The following HPS5 variants were observed in gnomAD, a reference collection of about 807,000 sequenced individuals.
HPS5 encodes HPS5 biogenesis of lysosomal organelles complex 2 subunit 2.
Under a neutral mutation model 128.0 loss-of-function variants are expected in HPS5, and 83 were observed. That is an observed-to-expected ratio of 0.65 (90% CI 0.54 to 0.78). HPS5 has a LOEUF of 0.78. Ranked by LOEUF, HPS5 falls within the 30% of genes least tolerant of loss-of-function variation. HPS5 has a pLI of 0.00. For synonymous variants in HPS5, 475 were observed against 470.2 expected, an observed-to-expected ratio of 1.01 and a Z score of -0.13; for missense variants, 1,281 against 1,326.2, an observed-to-expected ratio of 0.97 and a Z score of 0.53.
At chr11:18,317,686 A>G (rs776700241) in intron 2 of HPS5, 65 bp downstream of exon 2, 17 of 1,481,032 alleles carry the variant, frequency 1.1e-5, no homozygotes, top group Admixed American at 1.8e-5. Flanking sequence ...AAGGAACTGG[A>G]GGGTAGGGGC....
At chr11:18,311,489 GT>G in intron 3 of HPS5, 38 bp from the exon 4 acceptor site, 2 of 1,043,740 alleles carry the variant, frequency 1.9e-6, no homozygotes, top group Non-Finnish European at 2.8e-6. Context: ...TAAATCTCAA[GT>G]TTTACATTAT....
Position 18,283,853 on chromosome 11 carries a change from T to C in HPS5, c.3000A>G (p.Arg1000=). ...GATACACAATATTGGTGAAGGCCTC[T>C]CTTCTTCTCTCCAGCTCCAAACAGA... is the stretch of plus-strand genomic sequence containing the variant. The part of the protein sequence containing the change: ...LILCLELERR[R]EAFTNIVYLN... Residue 1000 remains arginine (R), a synonymous_variant, in exon 21 of 23, where the codon AGA becomes AGG. Transcript: ENST00000349215. 6.2e-7 allele frequency: 1 copy of C among 1,613,508 alleles called. No individual in the cohort carries two copies. Among genetic ancestry groups the C allele is most frequent in the East Asian group, 2.2e-5 (1 of 44,860 alleles).
At chr11:18,286,762 G>A (rs2134242943) in intron 18 of HPS5, 52 bp from the exon 19 acceptor site, 1 of 1,609,312 alleles carries the variant, frequency 6.2e-7, no homozygotes, top group South Asian at 1.1e-5. Flanking sequence ...AAGAAAGGAA[G>A]CATAAAATGT....
rs1859018126 is a variant in HPS5 at position 18,281,888 on chromosome 11, A to G, written c.3329+62T>C. 8 of 1,588,366 alleles carry G rather than the reference A, an allele frequency of 5.0e-6. No individual in the cohort carries two copies. The Admixed American group carries it at 6.7e-5, about 13-fold the overall frequency. ...TAAATGATCTCCACATCTACATCTG[A>G]AAGTCTGTGGCCTTCTACCTTCTCC... On this transcript the variant is annotated intron_variant, in intron 22 of 22. Coordinates refer to ENST00000349215, the MANE Select transcript of HPS5 (RefSeq NM_181507.2).
intron 8 of HPS5, among the ~76,000 whole-genome samples, chr11:18,303,269 C>T (rs1409919243): frequency 1.4e-5 from 1 of 70,254 alleles, no homozygotes; most frequent in Admixed American, 1.5e-4. Context: ...GTGTCTAGCA[C>T]TGCCCATGAA....
intron 18 of HPS5, 55 bp downstream of exon 18, chr11:18,287,480 G>C: frequency 1.3e-6 from 2 of 1,584,656 alleles, no homozygotes; most frequent in Non-Finnish European, 1.7e-6. Context: ...TTATAAAAGA[G>C]AAACAATGCC....
intron 13 of HPS5, among the ~76,000 whole-genome samples, chr11:18,295,655 A>G (rs1860967126): frequency 6.6e-6 from 1 of 152,226 alleles, no homozygotes; most frequent in Non-Finnish European, 1.5e-5. Context: ...AGTAGCTAGA[A>G]AAGAATTCTG....
chr11:18,313,182 T>G, intron 2 of HPS5, among the ~76,000 whole-genome samples: 1 of 152,154 alleles, frequency 6.6e-6, no homozygotes, highest in East Asian at 1.9e-4. Flanking sequence ...TACATAGTTC[T>G]TTGAATTCCA....
chr11:18,291,603 T>A lies in HPS5; in HGVS notation c.2279A>T (p.His760Leu), dbSNP rs766858378. ...GTACTGTTGCAAAGTGTGGTCCACA[T>A]GTCCACTGGTGCTTTTGATCTTAGA... ...LNSKIKSTSG[H>L]VDHTLQQYSP... Residue 760 changes from histidine (H) to leucine (L), a missense_variant, in exon 16 of 23, where the codon CAT becomes CTT. Physicochemically the swap from His to Leu is moderately conservative, Grantham distance 99. Coordinates refer to ENST00000349215, the MANE Select transcript of HPS5 (RefSeq NM_181507.2). 2.5e-6 allele frequency: 4 copies of A among 1,614,044 alleles called. No individual in the cohort carries two copies. The highest frequency in any genetic ancestry group is 3.4e-6 in the Non-Finnish European group (4 of 1,179,898).
chr11:18,301,988 C>T (rs1861763705), intron 8 of HPS5, among the ~76,000 whole-genome samples: 1 of 151,974 alleles, frequency 6.6e-6, no homozygotes. Flanking sequence ...ATCTGGAATC[C>T]TAACTATTCC....
At chr11:18,297,975 G>C (rs2134346940) in intron 10 of HPS5, among the ~76,000 whole-genome samples, 1 of 151,822 alleles carries the variant, frequency 6.6e-6, no homozygotes, top group African/African-American at 2.4e-5. Flanking sequence ...AGCTACTCGG[G>C]AGGCTGAGGC....
chr11:18,283,272 A>G (rs963867181), intron 21 of HPS5, among the ~76,000 whole-genome samples: 1 of 151,694 alleles, frequency 6.6e-6, no homozygotes, highest in African/African-American at 2.4e-5. Context: ...AAAGTGCTGG[A>G]ATTACAAGCG....
intron 22 of HPS5, 79 bp downstream of exon 22, chr11:18,281,871 C>T (rs1412010278): frequency 6.5e-7 from 1 of 1,530,420 alleles, no homozygotes; most frequent in Non-Finnish European, 9.0e-7. Context: ...ACTAAATGAT[C>T]TCCACATCTA....
intron 5 of HPS5, among the ~76,000 whole-genome samples, chr11:18,310,150 TTCTGTCTTAA>T (rs1862806111): frequency 6.6e-6 from 1 of 152,230 alleles, no homozygotes; most frequent in African/African-American, 2.4e-5. Flanking sequence ...AGCTGGTCTA[TTCTGTCTTAA>T]TGACAGACTG....
chr11:18,301,651 T>C (rs1861728203), intron 8 of HPS5, among the ~76,000 whole-genome samples: 1 of 152,038 alleles, frequency 6.6e-6, no homozygotes, highest in Non-Finnish European at 1.5e-5. Flanking sequence ...AACAGTAATA[T>C]TTTGATGTTG....
chr11:18,287,501 A>G (rs757648553), intron 18 of HPS5, 34 bp downstream of exon 18: 2 of 1,609,884 alleles, frequency 1.2e-6, no homozygotes, highest in Non-Finnish European at 1.7e-6. Flanking sequence ...CTGTCAAAAG[A>G]AAGGAGAGTC....
chr11:18,317,981 G>T, intron 1 of HPS5, 74 bp from the exon 2 acceptor site: 13 of 1,116,244 alleles, frequency 1.2e-5, no homozygotes, highest in Non-Finnish European at 1.7e-5. Context: ...AATATGTGGG[G>T]AACATAGAGA....
At chr11:18,318,686 A>AG (rs1404534164) in intron 1 of HPS5, among the ~76,000 whole-genome samples, 1 of 152,228 alleles carries the variant, frequency 6.6e-6, no homozygotes, top group Non-Finnish European at 1.5e-5. Context: ...CATTAATTAT[A>AG]ACTTTTCTCA....
chr11:18,306,098 T>C, intron 7 of HPS5, 37 bp downstream of exon 7: 1 of 1,368,958 alleles, frequency 7.3e-7, no homozygotes, highest in Non-Finnish European at 1.0e-6. Context: ...ATATAGAAGC[T>C]CTTCAAACAA....
Sources: gnomAD v4.1 joint callset for allele counts (sites outside exome capture counted in the v4.1 genomes callset) on GRCh38, gnomAD v4.1.1 for gene constraint, MANE v1.5 for transcripts, NCBI Gene and HGNC (gene_info 2026-07-23, HGNC 2026-07-21) for gene names.